The following PRKAR1A variants were observed in gnomAD, a reference collection of about 807,000 sequenced individuals.
PRKAR1A encodes protein kinase cAMP-dependent type I regulatory subunit alpha, also known as cAMP-dependent protein kinase type I-alpha regulatory subunit.
Under a neutral mutation model 52.0 loss-of-function variants are expected in PRKAR1A, and 3 were observed. The ratio of observed to expected loss-of-function variants is 0.06; its 90% CI spans 0.03 to 0.15. PRKAR1A has a LOEUF of 0.15. PRKAR1A is among the 10% of genes least tolerant of loss of function. The pLI is 1.00. For missense variants in PRKAR1A, 240 were observed against 477.4 expected (o/e 0.50, Z 4.63); for synonymous variants, 188 against 168.4 (o/e 1.12, Z -0.90).
At chr17:68,494,695 T>C in the PRKAR1A span, among the ~76,000 whole-genome samples, 1 of 152,156 alleles carries the variant, frequency 6.6e-6, no homozygotes, top group Non-Finnish European at 1.5e-5. Flanking sequence ...CTGAGACTTC[T>C]GTAATGTAAG....
chr17:68,541,334 C>G (rs1368578068), intron 11 of PRKAR1A: 3 of 267,810 alleles, frequency 1.1e-5, no homozygotes, highest in African/African-American at 6.6e-5. Flanking sequence ...TGGGCTGTTC[C>G]TGCCCTTTCT....
Position 68,523,828 on chromosome 17 carries a change from CTCTT to C in PRKAR1A, c.440+17_440+20del, listed in dbSNP as rs774371526. The C allele has an allele frequency of 3.1e-6, 5 of 1,611,364 alleles. No individual in the cohort carries two copies. In the South Asian group the frequency reaches 3.3e-5, roughly 11 times the overall value. On this transcript the variant is annotated intron_variant, in intron 4 of 10. Transcript: ENST00000589228. ...GATAATGAGAGAAGGTAGGAACAGG[CTCTT>C]TCTTAACACTATTTTTCAAGTAAGG... is the stretch of plus-strand genomic sequence containing the variant.
chr17:68,447,533 C>T, the PRKAR1A span, among the ~76,000 whole-genome samples: 2 of 151,986 alleles, frequency 1.3e-5, no homozygotes, highest in Admixed American at 6.6e-5. Flanking sequence ...GGGCAAGTGC[C>T]ACCATGCCCA....
upstream of PRKAR1A, chr17:68,511,821 C>A (rs1203600410): frequency 1.3e-5 from 2 of 152,116 alleles, no homozygotes; most frequent in Admixed American, 1.3e-4. Context: ...CCCCGCAGCG[C>A]AGCTGCTGCA....
intron 11 of PRKAR1A, among the ~76,000 whole-genome samples, chr17:68,549,009 G>C (rs1236307816): frequency 5.3e-5 from 8 of 152,062 alleles, no homozygotes; most frequent in Non-Finnish European, 1.0e-4. Flanking sequence ...TGGGATTACA[G>C]GCGTGAGCCA....
rs1307801222 is a variant in PRKAR1A, at chr17:68,531,058, C to G, written c.*609C>G. ...TTTTCCAGAGTTGTTGTTTGCCAAG[C>G]TAATCTGCCTGGTTTTATTTATATC... On this transcript the variant is annotated 3_prime_UTR_variant, in exon 11 of 11. Coordinates refer to ENST00000589228, the MANE Select transcript of PRKAR1A (RefSeq NM_002734.5). 7 of 1,067,496 alleles carry G rather than the reference C, an allele frequency of 6.6e-6. No homozygotes were observed. The highest frequency in any genetic ancestry group is 7.9e-6 in the Non-Finnish European group (7 of 881,450). 66.1% of individuals were successfully genotyped at this position (1,067,496 alleles called of 1,614,324 possible).
chr17:68,421,947 T>C, the PRKAR1A span: 5 of 1,194,204 alleles, frequency 4.2e-6, no homozygotes, highest in Admixed American at 1.7e-5. Context: ...AATTTTTCTG[T>C]CTGAACTCGC....
chr17:68,428,995 T>C, the PRKAR1A span: 1 of 1,344,556 alleles, frequency 7.4e-7, no homozygotes, highest in Admixed American at 1.8e-5. Context: ...TGGATTCGCT[T>C]CCAATGACAA....
At chr17:68,469,463 C>T in the PRKAR1A span, among the ~76,000 whole-genome samples, 1 of 152,158 alleles carries the variant, frequency 6.6e-6, no homozygotes, top group Non-Finnish European at 1.5e-5. Flanking sequence ...AACAAAGTTC[C>T]ATGAGGATGG....
At chr17:68,484,714 G>T in the PRKAR1A span, among the ~76,000 whole-genome samples, 1 of 152,098 alleles carries the variant, frequency 6.6e-6, no homozygotes, top group Admixed American at 6.6e-5. Flanking sequence ...GCTCCATTTG[G>T]GTCAGTTTTG....
the PRKAR1A span, among the ~76,000 whole-genome samples, chr17:68,481,082 G>T: frequency 1.3e-5 from 2 of 152,334 alleles, no homozygotes; most frequent in Admixed American, 6.5e-5. Context: ...CTTGTGGGTG[G>T]TTGTATTTTC....
chr17:68,439,069 G>A, the PRKAR1A span, among the ~76,000 whole-genome samples: 25 of 152,130 alleles, frequency 1.6e-4, no homozygotes, highest in Middle Eastern at 3.2e-3. Context: ...GCTCTGGAAC[G>A]TTTAGCAGTT....
At chr17:68,437,573 C>G in the PRKAR1A span, among the ~76,000 whole-genome samples, 1 of 151,514 alleles carries the variant, frequency 6.6e-6, no homozygotes, top group Non-Finnish European at 1.5e-5. Context: ...AAAAAGAAAC[C>G]GAGCAATTTC....
the PRKAR1A span, among the ~76,000 whole-genome samples, chr17:68,474,126 A>G: frequency 1.4e-4 from 21 of 152,320 alleles, no homozygotes; most frequent in Admixed American, 7.2e-4. Flanking sequence ...TAATCTTTCT[A>G]AAAACCACCA....
chr17:68,439,238 TCA>T, the PRKAR1A span, among the ~76,000 whole-genome samples: 1 of 152,182 alleles, frequency 6.6e-6, no homozygotes, highest in Non-Finnish European at 1.5e-5. Context: ...CCAAATGTTA[TCA>T]ACTGATAAAT....
the PRKAR1A span, among the ~76,000 whole-genome samples, chr17:68,490,921 A>G: frequency 6.6e-6 from 1 of 152,018 alleles, no homozygotes; most frequent in Non-Finnish European, 1.5e-5. Flanking sequence ...GTCTTACTGT[A>G]TACCTCTAAC....
At position 68,531,779 on chromosome 17, in the gene PRKAR1A, G is replaced by A; in HGVS notation, c.*1330G>A. ...GTATTTCAGTATTTTCCAGCCTTATGTGTTACATTATTCCAATGATACCCA... is the reference window on the plus strand; with the variant it reads ...GTATTTCAGTATTTTCCAGCCTTATATGTTACATTATTCCAATGATACCCA... On this transcript the variant is annotated 3_prime_UTR_variant, in exon 11 of 11. Transcript: ENST00000589228. The A allele has an allele frequency of 9.6e-7, 1 of 1,038,960 alleles. No individual in the cohort carries two copies. Among genetic ancestry groups the A allele is most frequent in the Non-Finnish European group, 1.2e-6 (1 of 854,976 alleles). 64.4% of individuals were successfully genotyped at this position (1,038,960 alleles called of 1,614,324 possible). A position where few individuals can be genotyped will look rare whatever the true frequency, so the allele number is the denominator to read the frequency against.
chr17:68,509,487 C>T (rs568608998), upstream of PRKAR1A, among the ~76,000 whole-genome samples: 1 of 152,290 alleles, frequency 6.6e-6, no homozygotes, highest in South Asian at 2.1e-4. Flanking sequence ...TATAATCCCA[C>T]TACTCTAGAA....
At chr17:68,491,589 G>A in the PRKAR1A span, among the ~76,000 whole-genome samples, 1 of 152,274 alleles carries the variant, frequency 6.6e-6, no homozygotes, top group East Asian at 1.9e-4. Context: ...GGAAGTGGGA[G>A]GAAGTGGGAG....
Sources: gnomAD v4.1 joint callset for allele counts (sites outside exome capture counted in the v4.1 genomes callset) on GRCh38, gnomAD v4.1.1 for gene constraint, MANE v1.5 for transcripts, NCBI Gene and HGNC (gene_info 2026-07-23, HGNC 2026-07-21) for gene names.